APPBP2: variants seen among roughly 807,000 people sequenced by gnomAD.
APPBP2 encodes amyloid beta precursor protein binding protein 2.
In APPBP2, 15 loss-of-function variants were observed where a neutral mutation model predicts 76.0. That is an observed-to-expected ratio of 0.20 (90% CI 0.13 to 0.30). The LOEUF (loss-of-function observed/expected upper bound fraction) is 0.30. APPBP2 is among the 10% of genes least tolerant of loss of function. The pLI, the probability that APPBP2 is intolerant of heterozygous loss-of-function variation, is 1.00. For missense variants in APPBP2, 401 were observed against 687.2 expected (o/e 0.58, Z 4.66); for synonymous variants, 222 against 242.2 (o/e 0.92, Z 0.77).
At chr17:60,487,933 T>A (rs2143410165) in intron 3 of APPBP2, among the ~76,000 whole-genome samples, 1 of 152,372 alleles carries the variant, frequency 6.6e-6, no homozygotes, top group East Asian at 1.9e-4. Flanking sequence ...GTTTGTTAGT[T>A]TTCCTTGTAA....
At chr17:60,522,487 A>G (rs1236906245) in intron 1 of APPBP2, among the ~76,000 whole-genome samples, 1 of 152,020 alleles carries the variant, frequency 6.6e-6, no homozygotes, top group East Asian at 1.9e-4. Flanking sequence ...CCATGCCTGG[A>G]TAACTTTTTC....
At chr17:60,496,687 T>C (rs1031974665) in intron 2 of APPBP2, among the ~76,000 whole-genome samples, 1 of 152,134 alleles carries the variant, frequency 6.6e-6, no homozygotes, top group Admixed American at 6.6e-5. Flanking sequence ...CATTTCAAAG[T>C]TACCCTTGAA....
At chr17:60,452,858 A>G (rs1022164882) in intron 11 of APPBP2, among the ~76,000 whole-genome samples, 2 of 152,218 alleles carry the variant, frequency 1.3e-5, no homozygotes, top group Non-Finnish European at 2.9e-5. Context: ...ACCTGAGCCC[A>G]GGGAGGTTGA....
chr17:60,486,013 G>A (rs1177649007), intron 3 of APPBP2, among the ~76,000 whole-genome samples: 1 of 152,208 alleles, frequency 6.6e-6, no homozygotes, highest in Non-Finnish European at 1.5e-5. Context: ...GTGGTTTTGA[G>A]CGACTTTCTT....
In APPBP2 at chr17:60,493,327, A is replaced by T. The variant is rs1461572465; in HGVS notation, c.379+1139T>A. Among the ~76,000 whole-genome samples the T allele has an allele frequency of 2.0e-5, 3 of 152,298 alleles. No individual in the cohort carries two copies. In the East Asian group the frequency reaches 5.8e-4, roughly 29 times the overall value. ...AACCCTGTCTCAAAATAAAATAATA[A>T]AACAAAATAAACAAAAAAGGTAGCA... is the stretch of plus-strand genomic sequence containing the variant. On this transcript the variant is annotated intron_variant, in intron 3 of 12. Transcript: ENST00000083182.
intron 10 of APPBP2, among the ~76,000 whole-genome samples, chr17:60,455,792 TC>T (rs1473012051): frequency 6.6e-6 from 1 of 151,792 alleles, no homozygotes; most frequent in Non-Finnish European, 1.5e-5. Context: ...GATTTTTTTT[TC>T]TTGAGACAGA....
At chr17:60,452,456 A>C (rs2090402101) in intron 11 of APPBP2, among the ~76,000 whole-genome samples, 1 of 152,188 alleles carries the variant, frequency 6.6e-6, no homozygotes, top group Non-Finnish European at 1.5e-5. Flanking sequence ...CAAGCTCTAG[A>C]TCATAATATG....
intron 3 of APPBP2, among the ~76,000 whole-genome samples, chr17:60,493,861 G>T (rs1008412765): frequency 6.6e-6 from 1 of 152,012 alleles, no homozygotes; most frequent in Non-Finnish European, 1.5e-5. Flanking sequence ...GGCTGGTCTC[G>T]AACTACTGAC....
At chr17:60,455,200 A>G (rs1178273326) in intron 10 of APPBP2, among the ~76,000 whole-genome samples, 1 of 152,196 alleles carries the variant, frequency 6.6e-6, no homozygotes, top group African/African-American at 2.4e-5. Flanking sequence ...ATATATGTAG[A>G]GACATGAAAA....
rs2090479386 is a variant in APPBP2 at position 60,462,059 on chromosome 17, A to G, written c.765T>C (p.Ala255=). 1 of 1,612,406 alleles carries G rather than the reference A, an allele frequency of 6.2e-7. No individual in the cohort carries two copies. Among genetic ancestry groups the G allele is most frequent in the Non-Finnish European group, 8.5e-7 (1 of 1,178,554 alleles). The change falls in exon 7 of 13, where the codon GCT becomes GCC. Residue 255 remains alanine (A), a splice_region_variant and synonymous_variant. Coordinates refer to ENST00000083182, the MANE Select transcript of APPBP2 (RefSeq NM_006380.5). ...TCTTAAATTCACGTTTTACTACACA[A>G]GCCTAAAGATAAAGTGAAAAATGGT... ...VVDVLRQASK[A]CVVKREFKKA... is the part of the protein sequence containing the mutation.
Position 60,466,329 on chromosome 17 carries a change from G to C in APPBP2, c.634C>G (p.Leu212Val). Residue 212 changes from leucine to valine, a missense_variant, in exon 5 of 13, where the codon CTG (leucine) becomes GTG (valine). Transcript: ENST00000083182. ...QANKAALYGE[L>V]CALLFAKSHY... ...CTTTTTGCAAATAGGAGTGCACACA[G>C]TTCTCCATAGAGTGCAGCTTTATTT... The C allele has an allele frequency of 6.2e-7, 1 of 1,613,952 alleles. No homozygotes were observed. Among genetic ancestry groups the C allele is most frequent in the Non-Finnish European group, 8.5e-7 (1 of 1,179,972 alleles).
At chr17:60,473,738 G>A (rs561142498) in intron 4 of APPBP2, among the ~76,000 whole-genome samples, 13 of 152,084 alleles carry the variant, frequency 8.5e-5, no homozygotes, top group East Asian at 3.9e-4. Flanking sequence ...TTCAAAAATC[G>A]CTTTTCCTCC....
intron 1 of APPBP2, chr17:60,513,414 G>T: frequency 3.0e-6 from 2 of 665,438 alleles, no homozygotes; most frequent in South Asian, 3.2e-5. Flanking sequence ...TCACCTATCG[G>T]GATTCAATTT....
chr17:60,501,318 C>CA (rs952198684), intron 1 of APPBP2, among the ~76,000 whole-genome samples: 2 of 151,844 alleles, frequency 1.3e-5, no homozygotes, highest in African/African-American at 4.8e-5. Flanking sequence ...GACCCTGTCT[C>CA]AAAAAAATTA....
At chr17:60,474,052 G>C (rs776858929) in intron 4 of APPBP2, among the ~76,000 whole-genome samples, 4 of 152,044 alleles carry the variant, frequency 2.6e-5, no homozygotes, top group Non-Finnish European at 4.4e-5. Flanking sequence ...CTCCAGAACT[G>C]AATTACTCCA....
intron 1 of APPBP2, among the ~76,000 whole-genome samples, chr17:60,509,633 T>A (rs910635880): frequency 7.9e-5 from 12 of 151,904 alleles, no homozygotes; most frequent in African/African-American, 2.9e-4. Context: ...AAAAACCCCA[T>A]CTCTACTAAA....
At chr17:60,474,181 T>A (rs1272446266) in intron 4 of APPBP2, among the ~76,000 whole-genome samples, 2 of 151,910 alleles carry the variant, frequency 1.3e-5, no homozygotes, top group South Asian at 2.1e-4. Context: ...TTTTTTATTT[T>A]TTTTTTTTGA....
chr17:60,463,032 T>A (rs2090487608), intron 6 of APPBP2, among the ~76,000 whole-genome samples: 1 of 152,106 alleles, frequency 6.6e-6, no homozygotes, highest in Non-Finnish European at 1.5e-5. Context: ...ATTCAATTAT[T>A]TCAATTAATT....
intron 2 of APPBP2, among the ~76,000 whole-genome samples, chr17:60,495,067 C>T (rs1199142204): frequency 6.9e-6 from 1 of 145,348 alleles, no homozygotes; most frequent in East Asian, 2.2e-4. Flanking sequence ...TCATTGCAAT[C>T]TCCACCTCCC....
Sources: gnomAD v4.1 joint callset for allele counts (sites outside exome capture counted in the v4.1 genomes callset) on GRCh38, gnomAD v4.1.1 for gene constraint, MANE v1.5 for transcripts, NCBI Gene and HGNC (gene_info 2026-07-23, HGNC 2026-07-21) for gene names.